EPB41L3: variants seen among roughly 807,000 people sequenced by gnomAD.
EPB41L3 encodes the protein erythrocyte membrane protein band 4.1 like 3.
In EPB41L3, 57 loss-of-function variants were observed where a neutral mutation model predicts 127.1. The observed-to-expected ratio is 0.45, with a 90% CI of 0.36 to 0.56. The LOEUF is 0.56. EPB41L3 is among the 20% of genes least tolerant of loss of function. The probability of loss-of-function intolerance (pLI) is 0.00; values close to 1 mark genes in which losing one functional copy is unlikely to be tolerated. For missense variants in EPB41L3, 1,273 were observed against 1,372.2 expected, an observed-to-expected ratio of 0.93 and a Z score of 1.14; for synonymous variants, 572 against 549.5, an observed-to-expected ratio of 1.04 and a Z score of -0.57.
chr18:5,530,446 G>C (rs142026466), intron 1 of EPB41L3, among the ~76,000 whole-genome samples: 1 of 152,016 alleles, frequency 6.6e-6, no homozygotes, highest in Non-Finnish European at 1.5e-5. Flanking sequence ...ATCTGACCAC[G>C]TCTTCCAACA....
intron 1 of EPB41L3, among the ~76,000 whole-genome samples, chr18:5,538,475 A>G (rs866164211): frequency 6.6e-6 from 1 of 152,266 alleles, no homozygotes; most frequent in Non-Finnish European, 1.5e-5. Context: ...ATGTGAAAAA[A>G]TAACTTTCTT....
chr18:5,445,933 C>T (rs1239822211), intron 3 of EPB41L3, among the ~76,000 whole-genome samples: 1 of 152,094 alleles, frequency 6.6e-6, no homozygotes, highest in Non-Finnish European at 1.5e-5. Context: ...CCATCCTCCA[C>T]CCCAGTCCAT....
At chr18:5,510,600 T>C (rs1295665084) in intron 1 of EPB41L3, among the ~76,000 whole-genome samples, 2 of 152,224 alleles carry the variant, frequency 1.3e-5, no homozygotes, top group African/African-American at 4.8e-5. Context: ...GCTTTATTTC[T>C]GGACTATCAG....
At chr18:5,583,202 C>T (rs1441435235) in intron 3 of EPB41L3, among the ~76,000 whole-genome samples, 3 of 152,126 alleles carry the variant, frequency 2.0e-5, no homozygotes, top group Non-Finnish European at 2.9e-5. Context: ...CTGTCCCTAC[C>T]GCCCGCCAGA....
intron 3 of EPB41L3, among the ~76,000 whole-genome samples, chr18:5,470,844 G>A (rs1470840391): frequency 1.3e-5 from 2 of 152,174 alleles, no homozygotes; most frequent in Non-Finnish European, 2.9e-5. Flanking sequence ...CTGGGGTCAT[G>A]GGGCACCAGA....
chr18:5,482,477 G>A (rs749729522), intron 2 of EPB41L3, among the ~76,000 whole-genome samples: 6 of 152,152 alleles, frequency 3.9e-5, no homozygotes, highest in Non-Finnish European at 8.8e-5. Context: ...TCCAAAACTC[G>A]TGAAAGATAT....
At chr18:5,558,799 T>C (rs2094078768) in intron 3 of EPB41L3, among the ~76,000 whole-genome samples, 1 of 151,766 alleles carries the variant, frequency 6.6e-6, no homozygotes, top group South Asian at 2.1e-4. Flanking sequence ...CTATTATTAA[T>C]ACTTAAGTAA....
intron 3 of EPB41L3, among the ~76,000 whole-genome samples, chr18:5,610,430 A>G (rs1035180329): frequency 2.6e-5 from 4 of 152,222 alleles, no homozygotes; most frequent in African/African-American, 4.8e-5. Flanking sequence ...GTGATCTCTC[A>G]TGAACATTTT....
intron 3 of EPB41L3, among the ~76,000 whole-genome samples, chr18:5,551,498 G>A (rs377620036): frequency 2.0e-5 from 3 of 152,252 alleles, no homozygotes; most frequent in African/African-American, 7.2e-5. Context: ...GCCGAGGCGG[G>A]TGGATCACTT....
chr18:5,522,070 ATTTTCT>A (rs1365655410), intron 1 of EPB41L3, among the ~76,000 whole-genome samples: 2 of 152,032 alleles, frequency 1.3e-5, no homozygotes, highest in African/African-American at 2.4e-5. Context: ...ACAGACATGT[ATTTTCT>A]TCCAATGCCA....
upstream of EPB41L3, chr18:5,630,378 T>C (rs771137192): frequency 3.9e-6 from 2 of 518,526 alleles, no homozygotes; most frequent in South Asian, 1.4e-5. Context: ...GGCGCTCACC[T>C]GAGTCACCGA....
intron 3 of EPB41L3, among the ~76,000 whole-genome samples, chr18:5,565,930 A>T (rs906123666): frequency 6.6e-6 from 1 of 151,726 alleles, no homozygotes; most frequent in Non-Finnish European, 1.5e-5. Context: ...CATGCTAAAA[A>T]CTCTCAATAA....
In EPB41L3 at chr18:5,398,096, G is replaced by A. The variant is rs2073884481; in HGVS notation, c.2397C>T (p.Phe799=). The change falls in exon 17 of 23, where the codon TTC becomes TTT. Residue 799 remains phenylalanine, a synonymous_variant. Transcript: ENST00000341928. ...GEKLMDGSEI[F]SLLESARKPT... is the part of the protein sequence containing the mutation. The stretch of plus-strand genomic sequence containing the variant: ...GTTTTCGCGCAGACTCTAATAAACT[G>A]AAGATTTCAGAGCCATCCATGAGCT... 1 of 1,614,090 alleles carries A rather than the reference G, an allele frequency of 6.2e-7. No individual in the cohort carries two copies. Among genetic ancestry groups the A allele is most frequent in the Non-Finnish European group, 8.5e-7 (1 of 1,179,990 alleles).
intron 1 of EPB41L3, among the ~76,000 whole-genome samples, chr18:5,536,321 C>T (rs779102676): frequency 2.0e-5 from 3 of 150,750 alleles, no homozygotes; most frequent in Non-Finnish European, 4.4e-5. Flanking sequence ...GTGTAGGCAG[C>T]AAGCAGAAGG....
intron 3 of EPB41L3, among the ~76,000 whole-genome samples, chr18:5,582,989 C>G (rs1442072484): frequency 3.3e-5 from 5 of 152,146 alleles, no homozygotes; most frequent in Admixed American, 3.3e-4. Context: ...GGAAGGGACC[C>G]TGCGGATGAA....
At position 5,522,719 on chromosome 18, in the gene EPB41L3, T is replaced by C. The variant is rs575733482; in HGVS notation, c.-12+21194A>G. 1.6e-4 allele frequency among the ~76,000 whole-genome samples: 25 copies of C among 152,268 alleles called. No individual in the cohort carries two copies. The South Asian group carries it at 5.0e-3, about 30-fold the overall frequency. ...AGTTGAAAAAAATGAATAACTGAAG[T>C]TGCTCTTGGAAGCCATTCTGGTTGA... On this transcript the variant is annotated intron_variant, in intron 1 of 22. Coordinates refer to ENST00000341928, the MANE Select transcript of EPB41L3 (RefSeq NM_012307.5).
rs1244145347 is a variant in EPB41L3 at position 5,594,802 on chromosome 18, T to C, written c.-306+17538A>G. On this transcript the variant is annotated intron_variant, in intron 3 of 21. Transcript: ENST00000545076. Reference sequence around the variant, plus strand: ...GGAAAACCACTTTCACACAGCCCTATTTCTTCTGGAATTAAACAACCAGGA... The same window carrying C: ...GGAAAACCACTTTCACACAGCCCTACTTCTTCTGGAATTAAACAACCAGGA... Among the ~76,000 whole-genome samples the C allele has an allele frequency of 2.6e-5, 4 of 152,316 alleles. No homozygotes were observed. The South Asian group carries it at 6.2e-4, about 24-fold the overall frequency.
At chr18:5,588,054 T>A (rs1297246580) in intron 3 of EPB41L3, among the ~76,000 whole-genome samples, 1 of 152,080 alleles carries the variant, frequency 6.6e-6, no homozygotes, top group Non-Finnish European at 1.5e-5. Context: ...GCAACACAAT[T>A]TTAAATAAAT....
intron 1 of EPB41L3, among the ~76,000 whole-genome samples, chr18:5,528,303 C>G (rs2093300736): frequency 6.6e-6 from 1 of 151,934 alleles, no homozygotes; most frequent in East Asian, 2.0e-4. Context: ...CCAGTAGTAG[C>G]TGGAACTACA....
Sources: gnomAD v4.1 joint callset for allele counts (sites outside exome capture counted in the v4.1 genomes callset) on GRCh38, gnomAD v4.1.1 for gene constraint, MANE v1.5 for transcripts, NCBI Gene and HGNC (gene_info 2026-07-23, HGNC 2026-07-21) for gene names.